The following ATP10D variants were observed in gnomAD, a reference collection of about 807,000 sequenced individuals.
ATP10D encodes phospholipid-transporting ATPase VD.
ATP10D carries 89 observed loss-of-function variants against 144.8 expected under a neutral mutation model. The ratio of observed to expected loss-of-function variants is 0.61; its 90% CI spans 0.52 to 0.73. The LOEUF (loss-of-function observed/expected upper bound fraction) is 0.73, where lower values mean the gene tolerates loss of function less well. Among genes scored for constraint, ATP10D ranks in the 30% least tolerant of loss-of-function variants. The probability of loss-of-function intolerance (pLI) is 0.00; values close to 1 mark genes in which losing one functional copy is unlikely to be tolerated. For synonymous variants in ATP10D, 571 were observed against 615.1 expected (o/e 0.93, Z 1.06); for missense variants, 1,603 against 1,714.8 (o/e 0.93, Z 1.15).
intron 14 of ATP10D, among the ~76,000 whole-genome samples, chr4:47,562,229 T>C (rs576569679): frequency 6.6e-5 from 10 of 152,342 alleles, no homozygotes; most frequent in Non-Finnish European, 1.3e-4. Flanking sequence ...ACCATATTAC[T>C]TTTTTAATAT....
intron 1 of ATP10D, among the ~76,000 whole-genome samples, chr4:47,485,752 T>TA (rs528163889): frequency 5.3e-4 from 81 of 152,128 alleles, no homozygotes; most frequent in African/African-American, 1.9e-3. Context: ...AAGGGGAATT[T>TA]AAAAATCTAT....
intron 1 of ATP10D, among the ~76,000 whole-genome samples, chr4:47,505,460 A>T (rs1162846495): frequency 6.6e-6 from 1 of 152,192 alleles, no homozygotes; most frequent in Non-Finnish European, 1.5e-5. Flanking sequence ...GTGGTGGCTC[A>T]CACCTATAAT....
At chr4:47,524,170 T>G (rs914159142) in intron 4 of ATP10D, among the ~76,000 whole-genome samples, 1 of 152,082 alleles carries the variant, frequency 6.6e-6, no homozygotes, top group Non-Finnish European at 1.5e-5. Flanking sequence ...TCGTGATCCA[T>G]GTGCCTCGGC....
chr4:47,502,867 CAT>C lies in ATP10D; in HGVS notation c.-37-9634_-37-9633del, dbSNP rs1715784236. Among the ~76,000 whole-genome samples the C allele has an allele frequency of 5.9e-5, 9 of 152,196 alleles. No individual in the cohort carries two copies. The South Asian group carries it at 1.9e-3, about 32-fold the overall frequency. On this transcript the variant is annotated intron_variant, in intron 1 of 22. Transcript: ENST00000273859. ...TATATGTCTTTCAAAATAAACATGT[CAT>C]ATGTGAAAATTCTAATTTGACTCTC...
At chr4:47,518,275 T>C (rs1169340322) in intron 3 of ATP10D, among the ~76,000 whole-genome samples, 1 of 152,166 alleles carries the variant, frequency 6.6e-6, no homozygotes, top group Non-Finnish European at 1.5e-5. Flanking sequence ...TAATTTTCTA[T>C]AGAAAAGTAT....
intron 5 of ATP10D, among the ~76,000 whole-genome samples, chr4:47,531,035 A>C (rs1717540260): frequency 6.6e-6 from 1 of 152,074 alleles, no homozygotes; most frequent in East Asian, 1.9e-4. Flanking sequence ...GGAGCCCCTA[A>C]TCTGACTCCT....
rs1244645439 is a variant in ATP10D, at chr4:47,560,979, C to A, written c.2572C>A (p.Leu858Met). 1.2e-6 allele frequency: 2 copies of A among 1,614,072 alleles called. No individual in the cohort carries two copies. The highest frequency in any genetic ancestry group is 1.7e-6 in the Non-Finnish European group (2 of 1,179,936). The change falls in exon 14 of 23, where the codon CTG becomes ATG. Residue 858 changes from leucine (L) to methionine (M), a missense_variant. Physicochemically the swap from Leu to Met is conservative, Grantham distance 15. Coordinates refer to ENST00000273859, the MANE Select transcript of ATP10D (RefSeq NM_020453.4). ...GAGTGACACTGAATATGCAGAGTGG[C>A]TGAGGAATCATTTTTTAGCTGAAAC... The part of the protein sequence containing the change: ...VMSDTEYAEW[L>M]RNHFLAETSI...
chr4:47,590,978 G>A lies in ATP10D; in HGVS notation c.3942-64G>A, dbSNP rs1041966978. 13 of 1,088,440 alleles carry A rather than the reference G, an allele frequency of 1.2e-5. No individual in the cohort carries two copies. In the African/African-American group the frequency reaches 2.0e-4, roughly 16 times the overall value. 67.4% of individuals were successfully genotyped at this position (1,088,440 alleles called of 1,614,324 possible). On this transcript the variant is annotated intron_variant, in intron 22 of 22. Transcript: ENST00000273859. ...TACTTTTTTAATTCGTTAGTATTTG[G>A]GGGGGGGGGTTCTGTAATGCATTTG...
intron 3 of ATP10D, among the ~76,000 whole-genome samples, chr4:47,516,243 CAAA>C (rs34726660): frequency 7.0e-5 from 8 of 113,964 alleles, no homozygotes; most frequent in Admixed American, 1.8e-4. Flanking sequence ...GACTCTATCT[CAAA>C]AAAAAAAAAA....
chr4:47,504,934 G>A (rs890289713), intron 1 of ATP10D, among the ~76,000 whole-genome samples: 6 of 152,158 alleles, frequency 3.9e-5, no homozygotes, highest in Non-Finnish European at 8.8e-5. Flanking sequence ...CAACATATAA[G>A]AACTTTGACG....
intron 11 of ATP10D, among the ~76,000 whole-genome samples, chr4:47,555,705 G>C (rs1430664398): frequency 6.6e-6 from 1 of 151,826 alleles, no homozygotes; most frequent in African/African-American, 2.4e-5. Flanking sequence ...ATTATATCAG[G>C]CAAAATATAC....
In ATP10D at chr4:47,505,108, C is replaced by A. The variant is rs77460970; in HGVS notation, c.-37-7396C>A. On this transcript the variant is annotated intron_variant, in intron 1 of 22. Coordinates refer to ENST00000273859, the MANE Select transcript of ATP10D (RefSeq NM_020453.4). ...TAATCCTTAAGACCTCATCAACAATCTTTTGTATAAACTAGACTTCTCTCT... is the reference window on the plus strand; with the variant it reads ...TAATCCTTAAGACCTCATCAACAATATTTTGTATAAACTAGACTTCTCTCT... Among the ~76,000 whole-genome samples, 586 of 152,322 alleles carry A rather than the reference C, an allele frequency of 3.8e-3. 31 individuals are homozygous for A. In the East Asian group the frequency reaches 0.1, roughly 27 times the overall value.
At position 47,591,094 on chromosome 4, in the gene ATP10D, G is replaced by A. The variant is rs867726239; in HGVS notation, c.3994G>A (p.Ala1332Thr). 6.2e-7 allele frequency: 1 copy of A among 1,613,012 alleles called. No individual in the cohort carries two copies. The highest frequency in any genetic ancestry group is 1.3e-5 in the African/African-American group (1 of 74,922). ...CCTGTTTCCATCTCCAATTCTGAGAGCTAAGCACTTTGACAGACTAACTCC... is the reference window on the plus strand; with the variant it reads ...CCTGTTTCCATCTCCAATTCTGAGAACTAAGCACTTTGACAGACTAACTCC... ...GSLFPSPILRAKHFDRLTPEE... is the reference protein window; with the variant it reads ...GSLFPSPILRTKHFDRLTPEE... The change falls in exon 23 of 23, where the codon GCT becomes ACT. Residue 1332 changes from alanine (A) to threonine (T), a missense_variant. Transcript: ENST00000273859.
intron 16 of ATP10D, among the ~76,000 whole-genome samples, chr4:47,571,227 A>T (rs79853292): frequency 0.13 from 19,669 of 150,702 alleles, 1,619 homozygotes; most frequent in South Asian, 0.23. Context: ...AAACTCCTGG[A>T]TTTATAATTA....
intron 15 of ATP10D, among the ~76,000 whole-genome samples, chr4:47,567,088 A>C (rs1431062077): frequency 6.6e-6 from 1 of 152,242 alleles, no homozygotes; most frequent in African/African-American, 2.4e-5. Context: ...AGAAGGCATC[A>C]TGGTGTTCAG....
chr4:47,562,530 G>A (rs769960652), intron 14 of ATP10D, among the ~76,000 whole-genome samples: 9 of 152,064 alleles, frequency 5.9e-5, no homozygotes, highest in Non-Finnish European at 8.8e-5. Context: ...CTGTTAAAAC[G>A]TCAGAAGACA....
At chr4:47,583,941 C>G (rs1048662803) in intron 21 of ATP10D, among the ~76,000 whole-genome samples, 1 of 152,108 alleles carries the variant, frequency 6.6e-6, no homozygotes, top group Non-Finnish European at 1.5e-5. Context: ...GCTCTTGCCC[C>G]ATTGTGCTCC....
intron 19 of ATP10D, chr4:47,578,498 T>G (rs1720348664): frequency 6.6e-6 from 1 of 152,224 alleles, no homozygotes; most frequent in Admixed American, 6.5e-5. Flanking sequence ...TTAATCATGA[T>G]CCTTCTCTCT....
intron 5 of ATP10D, among the ~76,000 whole-genome samples, chr4:47,527,199 T>C (rs1030473930): frequency 6.6e-6 from 1 of 152,064 alleles, no homozygotes; most frequent in Non-Finnish European, 1.5e-5. Flanking sequence ...GACACATAGA[T>C]GGAGAAAGGT....
Sources: gnomAD v4.1 joint callset for allele counts (sites outside exome capture counted in the v4.1 genomes callset) on GRCh38, gnomAD v4.1.1 for gene constraint, MANE v1.5 for transcripts, NCBI Gene and HGNC (gene_info 2026-07-23, HGNC 2026-07-21) for gene names.